TDRD10: variants seen among roughly 807,000 people sequenced by gnomAD.
The protein encoded by TDRD10 is tudor domain containing 10.
TDRD10 carries 40 observed loss-of-function variants against 48.0 expected under a neutral mutation model. The ratio of observed to expected loss-of-function variants is 0.83; its 90% CI spans 0.65 to 1.09. The LOEUF is 1.09. Ranked by LOEUF, TDRD10 falls within the 50% of genes least tolerant of loss-of-function variation. The pLI is 0.00. For missense variants in TDRD10, 378 were observed against 434.7 expected (o/e 0.87, Z 1.16); for synonymous variants, 162 against 170.4 (o/e 0.95, Z 0.38).
At chr1:154,541,992 G>A (rs1695264416) in intron 6 of TDRD10, 32 bp from the exon 7 acceptor site, 5 of 1,612,218 alleles carry the variant, frequency 3.1e-6, no homozygotes, top group Non-Finnish European at 4.2e-6. Context: ...ATGCCACCAT[G>A]GCTGAGTGAG....
At chr1:154,542,113 T>A in intron 7 of TDRD10, 47 bp downstream of exon 7, 1 of 1,607,076 alleles carries the variant, frequency 6.2e-7, no homozygotes. Context: ...GCTTTGCAGC[T>A]CCTAATGGAC....
rs142739387 is a variant in TDRD10, at chr1:154,539,386, C to T, written c.370-2638C>T. ...GCACAATCTCGGCTCACTGCAACCTCCGCCTCCCCGGGTTCAAGCAATCCT... is the reference window on the plus strand; with the variant it reads ...GCACAATCTCGGCTCACTGCAACCTTCGCCTCCCCGGGTTCAAGCAATCCT... On this transcript the variant is annotated intron_variant, in intron 6 of 12. Transcript: ENST00000368482. Among the ~76,000 whole-genome samples the T allele has an allele frequency of 2.3e-3, 355 of 152,296 alleles. 1 individual carries two copies. The highest frequency in any genetic ancestry group is 8.1e-3 in the African/African-American group (335 of 41,574).
chr1:154,528,917 A>C (rs1280336734), intron 6 of TDRD10, among the ~76,000 whole-genome samples: 1 of 152,194 alleles, frequency 6.6e-6, no homozygotes, highest in Non-Finnish European at 1.5e-5. Context: ...TAGATGTTAC[A>C]TTATTACATT....
intron 1 of TDRD10, among the ~76,000 whole-genome samples, 195 bp from the exon 2 acceptor site, chr1:154,506,682 G>T (rs540699037): frequency 6.6e-6 from 1 of 152,282 alleles, no homozygotes; most frequent in South Asian, 2.1e-4. Flanking sequence ...GGCCTGTTTT[G>T]TCAGTTGATG....
At chr1:154,517,176 T>A (rs1289927581) in intron 4 of TDRD10, among the ~76,000 whole-genome samples, 1 of 152,070 alleles carries the variant, frequency 6.6e-6, no homozygotes, top group Non-Finnish European at 1.5e-5. Flanking sequence ...GGAATGACCA[T>A]GTCTGGGGTA....
At chr1:154,519,790 G>A (rs1693962050) in intron 4 of TDRD10, among the ~76,000 whole-genome samples, 2 of 152,124 alleles carry the variant, frequency 1.3e-5, no homozygotes, top group South Asian at 2.1e-4. Flanking sequence ...CCAAGCCCGC[G>A]GAGCAGGATG....
At chr1:154,516,523 T>C (rs1693777798) in intron 4 of TDRD10, among the ~76,000 whole-genome samples, 1 of 152,046 alleles carries the variant, frequency 6.6e-6, no homozygotes, top group Non-Finnish European at 1.5e-5. Flanking sequence ...GCAAAGTGTG[T>C]GCGGTAGTTT....
At chr1:154,517,156 G>A (rs970201585) in intron 4 of TDRD10, among the ~76,000 whole-genome samples, 7 of 152,096 alleles carry the variant, frequency 4.6e-5, no homozygotes, top group African/African-American at 1.7e-4. Flanking sequence ...TCATTTGGGG[G>A]TAGGCATTGG....
chr1:154,530,139 C>T (rs1295016946), intron 6 of TDRD10, among the ~76,000 whole-genome samples: 4 of 152,082 alleles, frequency 2.6e-5, no homozygotes, highest in African/African-American at 4.8e-5. Flanking sequence ...CTCAGCCTCC[C>T]GAGGAGCTGG....
At chr1:154,544,539 G>C in intron 10 of TDRD10, 22 bp downstream of exon 10, 1 of 1,603,802 alleles carries the variant, frequency 6.2e-7, no homozygotes, top group Non-Finnish European at 8.5e-7. Flanking sequence ...GGCAGGGGTA[G>C]AGTCTATGGG....
intron 6 of TDRD10, among the ~76,000 whole-genome samples, chr1:154,527,021 C>G (rs993419487): frequency 6.6e-6 from 1 of 152,172 alleles, no homozygotes; most frequent in African/African-American, 2.4e-5. Flanking sequence ...GCAATTCTCC[C>G]TGCCTCAGCC....
rs991321358 is a variant in TDRD10, at chr1:154,502,460, C to T, written c.-597C>T. 1 of 152,284 alleles carries T rather than the reference C, an allele frequency of 6.6e-6. No individual in the cohort carries two copies. Among genetic ancestry groups the T allele is most frequent in the Non-Finnish European group, 1.5e-5 (1 of 68,108 alleles). The allele number at this position is 152,284 out of a possible 1,614,324, so 9.4% of individuals were successfully genotyped here. A position where few individuals can be genotyped will look rare whatever the true frequency, so the allele number is the denominator to read the frequency against. ...CATCAACTCCGCGCGCCCCTCCCCTCCGCGGCTGGCGCCTCCCAGCCCCGC... is the reference window on the plus strand; with the variant it reads ...CATCAACTCCGCGCGCCCCTCCCCTTCGCGGCTGGCGCCTCCCAGCCCCGC... On this transcript the variant is annotated 5_prime_UTR_variant, in exon 1 of 13. Coordinates refer to ENST00000368482, the MANE Select transcript of TDRD10 (RefSeq NM_182499.4).
intron 1 of TDRD10, among the ~76,000 whole-genome samples, chr1:154,506,140 A>T (rs780124635): frequency 3.3e-5 from 5 of 152,178 alleles, no homozygotes; most frequent in Non-Finnish European, 7.3e-5. Context: ...ATTATCCCAT[A>T]GCTCTGTAAG....
intron 5 of TDRD10, 74 bp downstream of exon 5, chr1:154,520,448 A>C (rs1693998221): frequency 1.6e-6 from 2 of 1,245,288 alleles, no homozygotes; most frequent in East Asian, 4.6e-5. Context: ...TGATGCACTC[A>C]TGTTGCAGAC....
chr1:154,544,418 C>A lies in TDRD10; in HGVS notation c.698C>A (p.Ala233Glu). The change falls in exon 10 of 13, where the codon GCG (alanine) becomes GAG (glutamate). Residue 233 changes from alanine (A) to glutamate (E), a missense_variant. By Grantham distance (107) the Ala-to-Glu change is moderately radical. Around this residue, in one of 2 missense-constraint regions of TDRD10, gnomAD observed 310 missense variants for 323.6 expected, o/e 0.96. Coordinates refer to ENST00000368482, the MANE Select transcript of TDRD10 (RefSeq NM_182499.4). ...MQALFSTLAQ[A>E]EEQQPYLEGS... ...GCTCTGTTTAGCACCCTGGCTCAGGCGGAGGAGCAGCAGCCCTACCTGGAG... is the reference window on the plus strand; with the variant it reads ...GCTCTGTTTAGCACCCTGGCTCAGGAGGAGGAGCAGCAGCCCTACCTGGAG... The A allele has an allele frequency of 6.2e-7, 1 of 1,604,134 alleles. No homozygotes were observed. The highest frequency in any genetic ancestry group is 8.5e-7 in the Non-Finnish European group (1 of 1,175,920).
At chr1:154,529,478 AAAGT>A (rs1051643324) in intron 6 of TDRD10, among the ~76,000 whole-genome samples, 1 of 152,046 alleles carries the variant, frequency 6.6e-6, no homozygotes, top group African/African-American at 2.4e-5. Flanking sequence ...TTTGCCATTA[AAAGT>A]AATAGCAGAA....
chr1:154,524,718 G>A (rs1457393951), intron 6 of TDRD10, among the ~76,000 whole-genome samples: 5 of 151,994 alleles, frequency 3.3e-5, no homozygotes, highest in Non-Finnish European at 5.9e-5. Flanking sequence ...TGAGTGCTCC[G>A]GGTGCTTGCC....
In TDRD10 at chr1:154,544,506, C is replaced by T. The variant is rs768018563; in HGVS notation, c.786C>T (p.His262=). ...AGTACCACCTGGGGGATTATGGACACGCCTGGAACAGGTGTGTGCCTGGGC... is the reference window on the plus strand; with the variant it reads ...AGTACCACCTGGGGGATTATGGACATGCCTGGAACAGGTGTGTGCCTGGGC... ...LAEYHLGDYG[H]AWNRCWVLDR... is the part of the protein sequence containing the mutation. Residue 262 remains histidine, a synonymous_variant, in exon 10 of 13, where the codon CAC becomes CAT. Coordinates refer to ENST00000368482, the MANE Select transcript of TDRD10 (RefSeq NM_182499.4). 1.4e-5 allele frequency: 23 copies of T among 1,613,766 alleles called. No homozygotes were observed. The highest frequency in any genetic ancestry group is 5.5e-5 in the South Asian group (5 of 90,946).
intron 6 of TDRD10, among the ~76,000 whole-genome samples, chr1:154,529,603 T>C (rs2149335838): frequency 6.6e-6 from 1 of 150,934 alleles, no homozygotes; most frequent in Admixed American, 6.6e-5. Flanking sequence ...TGAAGTGCAA[T>C]GGCATGGTCT....
Sources: gnomAD v4.1 joint callset for allele counts (sites outside exome capture counted in the v4.1 genomes callset) on GRCh38, gnomAD v4.1.1 for gene constraint, gnomAD v4.1.1 regional missense constraint, MANE v1.5 for transcripts, NCBI Gene and HGNC (gene_info 2026-07-23, HGNC 2026-07-21) for gene names.